DNAJC11: variants seen among roughly 807,000 people sequenced by gnomAD.
The protein encoded by DNAJC11 is dnaJ homolog subfamily C member 11.
A neutral mutation model predicts 78.6 loss-of-function variants in DNAJC11; 15 were observed. The ratio of observed to expected loss-of-function variants is 0.19; its 90% confidence interval spans 0.13 to 0.29. DNAJC11 has a LOEUF of 0.29. DNAJC11 is among the 10% of genes least tolerant of loss of function. DNAJC11 has a pLI of 1.00. For missense variants in DNAJC11, 547 were observed against 709.6 expected (o/e 0.77, Z 2.60); for synonymous variants, 292 against 272.1 (o/e 1.07, Z -0.72).
intron 7 of DNAJC11, 90 bp downstream of exon 7, chr1:6,651,439 T>C: frequency 8.7e-7 from 1 of 1,152,310 alleles, no homozygotes; most frequent in Non-Finnish European, 1.3e-6. Context: ...GACAAGATAG[T>C]GCCAACCACT....
In DNAJC11 at chr1:6,680,574, C is replaced by T. The variant is rs2147878802; in HGVS notation, c.202+334G>A. Among the ~76,000 whole-genome samples the T allele has an allele frequency of 6.6e-6, 1 of 152,206 alleles. No homozygotes were observed. Among genetic ancestry groups the T allele is most frequent in the African/African-American group, 2.4e-5 (1 of 41,532 alleles). ...TTGTATCTTCTAACAAAAAAGAGAA[C>T]AAAGAAACCTTCCCTGTAACGATCA... On this transcript the variant is annotated intron_variant, in intron 2 of 15. Coordinates refer to ENST00000377577, the MANE Select transcript of DNAJC11 (RefSeq NM_018198.4). This position sits in a 1 kb window ranked among gnomAD's most constrained non-coding sequence, Gnocchi z 4.0.
intron 3 of DNAJC11, among the ~76,000 whole-genome samples, chr1:6,675,642 C>A (rs2294526): frequency 0.3 from 45,914 of 151,978 alleles, 7,400 homozygotes; most frequent in South Asian, 0.47. Flanking sequence ...CAGCTGGTCT[C>A]GAACTCCTGA....
chr1:6,646,397 G>A (rs564833009), intron 7 of DNAJC11, among the ~76,000 whole-genome samples: 5 of 152,290 alleles, frequency 3.3e-5, no homozygotes, highest in South Asian at 2.1e-4. Context: ...CACAAATCAC[G>A]GCTGGTGGCT....
intron 1 of DNAJC11, among the ~76,000 whole-genome samples, chr1:6,695,122 G>A (rs1158277543): frequency 6.7e-6 from 1 of 148,934 alleles, no homozygotes; most frequent in African/African-American, 2.5e-5. Context: ...CTCCAGCCTG[G>A]GTGACAGAGC....
chr1:6,644,952 C>T (rs760288570), intron 9 of DNAJC11, 89 bp downstream of exon 9: 27 of 1,259,310 alleles, frequency 2.1e-5, no homozygotes, highest in African/African-American at 5.9e-5. Flanking sequence ...GATATTCACA[C>T]GAGCAAGGTG....
rs376463766 is a variant in DNAJC11, at chr1:6,653,024, G to A, written c.508-73C>T. 32 of 1,587,820 alleles carry A rather than the reference G, an allele frequency of 2.0e-5. No individual in the cohort carries two copies. The Middle Eastern group carries it at 5.0e-4, about 25-fold the overall frequency. ...TGCCAATGGCAGCAGCCTAAAGAACGCACTGTGAGCCCAAGGCCAAAGGTG... is the reference window on the plus strand; with the variant it reads ...TGCCAATGGCAGCAGCCTAAAGAACACACTGTGAGCCCAAGGCCAAAGGTG... On this transcript the variant is annotated intron_variant, in intron 5 of 15. Coordinates refer to ENST00000377577, the MANE Select transcript of DNAJC11 (RefSeq NM_018198.4). The surrounding 1 kb of genome is among the most constrained non-coding windows in gnomAD (Gnocchi z 4.5).
intron 3 of DNAJC11, among the ~76,000 whole-genome samples, chr1:6,673,497 T>C (rs1213919786): frequency 1.3e-5 from 2 of 152,216 alleles, no homozygotes; most frequent in Non-Finnish European, 2.9e-5. Context: ...CATCTGGTTC[T>C]AGCTAGTAAA....
chr1:6,696,206 G>T (rs780002656), intron 1 of DNAJC11, among the ~76,000 whole-genome samples: 1 of 152,196 alleles, frequency 6.6e-6, no homozygotes, highest in Non-Finnish European at 1.5e-5. Context: ...TGTAGTAGAT[G>T]GAAAATGAAG....
chr1:6,692,255 C>T (rs568107456), intron 1 of DNAJC11, among the ~76,000 whole-genome samples: 9 of 152,274 alleles, frequency 5.9e-5, no homozygotes, highest in South Asian at 4.1e-4. Context: ...TGTAACCTCA[C>T]GTTTGCCAAT....
chr1:6,653,846 T>C lies in DNAJC11; in HGVS notation c.507+65A>G, dbSNP rs1232207041. 8 of 1,583,406 alleles carry C rather than the reference T, an allele frequency of 5.1e-6. No homozygotes were observed. The highest frequency in any genetic ancestry group is 6.9e-6 in the Non-Finnish European group (8 of 1,157,380). The stretch of plus-strand genomic sequence containing the variant: ...CTGGGCAGACTCTCATTCCAGCTGC[T>C]TGGTGTGCTGTGCCTCATTAACTCG... On this transcript the variant is annotated intron_variant, in intron 5 of 15. Coordinates refer to ENST00000377577, the MANE Select transcript of DNAJC11 (RefSeq NM_018198.4). This position sits in a 1 kb window ranked among gnomAD's most constrained non-coding sequence, Gnocchi z 4.5.
Position 6,636,199 on chromosome 1 carries a change from G to T in DNAJC11, c.1572C>A (p.Asn524Lys), listed in dbSNP as rs1641764653. The change falls in exon 15 of 16, where the codon AAC becomes AAA. Residue 524 changes from asparagine (N) to lysine (K), a missense_variant. By Grantham distance (94) the Asn-to-Lys change is moderately conservative (BLOSUM62 0). Coordinates refer to ENST00000377577, the MANE Select transcript of DNAJC11 (RefSeq NM_018198.4). ...FYDPCVGEEKNLKVLYQFRGV... is the reference protein window; with the variant it reads ...FYDPCVGEEKKLKVLYQFRGV... ...CCCGGAACTGATAGAGCACTTTCAG[G>T]TTCTTCTCTTCCCCCACACACGGGT... 1 of 1,614,064 alleles carries T rather than the reference G, an allele frequency of 6.2e-7. No homozygotes were observed.
chr1:6,686,886 A>C (rs1570310879), intron 1 of DNAJC11, among the ~76,000 whole-genome samples: 1 of 152,346 alleles, frequency 6.6e-6, no homozygotes, highest in East Asian at 1.9e-4. Context: ...TCGAACTTCC[A>C]GGCGATGTAT....
intron 4 of DNAJC11, among the ~76,000 whole-genome samples, chr1:6,655,325 T>C (rs1327842852): frequency 6.6e-6 from 1 of 152,206 alleles, no homozygotes; most frequent in Non-Finnish European, 1.5e-5. Context: ...AAGAAACCCA[T>C]GGACTAGAAA....
intron 4 of DNAJC11, among the ~76,000 whole-genome samples, chr1:6,664,743 A>G (rs1485796357): frequency 6.6e-6 from 1 of 152,226 alleles, no homozygotes; most frequent in African/African-American, 2.4e-5. Flanking sequence ...TCTTTTCACA[A>G]CTTGGCACAG....
chr1:6,685,661 C>T (rs1642644832), intron 1 of DNAJC11, among the ~76,000 whole-genome samples: 1 of 152,224 alleles, frequency 6.6e-6, no homozygotes, highest in South Asian at 2.1e-4. Context: ...ATGGACCTGA[C>T]TGGGAACCCA....
chr1:6,657,165 C>T (rs192247869), intron 4 of DNAJC11, among the ~76,000 whole-genome samples: 152 of 152,198 alleles, frequency 1.0e-3, no homozygotes, highest in Admixed American at 7.8e-3. Flanking sequence ...CAACAGAATG[C>T]GTGGATGTGA....
intron 3 of DNAJC11, among the ~76,000 whole-genome samples, chr1:6,670,280 C>T (rs557568387): frequency 5.3e-5 from 8 of 152,182 alleles, no homozygotes; most frequent in African/African-American, 1.7e-4. Context: ...AAAAAGTATG[C>T]GATTCCCCTT....
chr1:6,652,428 CTATTTATTTA>C (rs1642069679), intron 6 of DNAJC11, among the ~76,000 whole-genome samples: 1 of 151,988 alleles, frequency 6.6e-6, no homozygotes, highest in South Asian at 2.1e-4. Flanking sequence ...GATATGAGAC[CTATTTATTTA>C]TTTATTTTTG....
chr1:6,638,483 A>G (rs1641822039), intron 11 of DNAJC11, 119 bp from the exon 12 acceptor site: 1 of 865,318 alleles, frequency 1.2e-6, no homozygotes, highest in Non-Finnish European at 1.7e-6. Context: ...ACTGGAGTTC[A>G]GTTGTAGAAC....
Sources: allele counts gnomAD v4.1 joint callset (sites outside exome capture counted in the v4.1 genomes callset), GRCh38; gene constraint gnomAD v4.1.1; non-coding constraint Gnocchi (gnomAD v3.1); transcripts MANE v1.5; gene names NCBI Gene and HGNC (gene_info 2026-07-23, HGNC 2026-07-21).